The following PKD1L1 variants were observed in gnomAD, a reference collection of about 807,000 sequenced individuals.
The protein encoded by PKD1L1 is polycystin-1-like protein 1.
Under a neutral mutation model 323.4 loss-of-function variants are expected in PKD1L1, and 236 were observed. The observed-to-expected ratio is 0.73, with a 90% CI of 0.66 to 0.81. The LOEUF (loss-of-function observed/expected upper bound fraction) is 0.81, where lower values mean the gene tolerates loss of function less well. Ranked by LOEUF, PKD1L1 falls within the 40% of genes least tolerant of loss-of-function variation. PKD1L1 has a pLI of 0.00. For synonymous variants in PKD1L1, 1,344 were observed against 1,335.0 expected, an observed-to-expected ratio of 1.01 and a Z score of -0.15; for missense variants, 3,320 against 3,508.0, an observed-to-expected ratio of 0.95 and a Z score of 1.35.
intron 54 of PKD1L1, among the ~76,000 whole-genome samples, chr7:47,798,042 C>T (rs534721676): frequency 6.6e-6 from 1 of 152,206 alleles, no homozygotes; most frequent in African/African-American, 2.4e-5. Context: ...AATTCCACAG[C>T]AAGTTCAATC....
At chr7:47,874,048 A>C (rs1255473295) in intron 23 of PKD1L1, 38 bp from the exon 24 acceptor site, 4 of 1,332,912 alleles carry the variant, frequency 3.0e-6, no homozygotes, top group Non-Finnish European at 4.3e-6. Flanking sequence ...CATCTTGGAC[A>C]TGTGGGTTAC....
At chr7:47,854,814 G>T (rs2128741553) in intron 30 of PKD1L1, 68 bp downstream of exon 30, 1 of 1,521,152 alleles carries the variant, frequency 6.6e-7, no homozygotes, top group Admixed American at 2.1e-5. Flanking sequence ...CTGATTTTTT[G>T]TCACAAAACA....
chr7:47,931,371 A>C lies in PKD1L1; in HGVS notation c.520-50T>G, dbSNP rs150951256. On this transcript the variant is annotated intron_variant, in intron 5 of 56. Coordinates refer to ENST00000289672, the MANE Select transcript of PKD1L1 (RefSeq NM_138295.5). ...GGTTTATTGAATGGCCTCGTCTGGC[A>C]TCAGTAGCTGATGTCCGCCATGCTC... 529 of 1,588,918 alleles carry C rather than the reference A, an allele frequency of 3.3e-4. 1 individual carries two copies. The African/African-American group carries it at 6.2e-3, about 19-fold the overall frequency.
At chr7:47,948,518 G>C, upstream of PKD1L1, 3 of 1,413,324 alleles carry the variant, frequency 2.1e-6, no homozygotes, top group East Asian at 2.3e-5. Flanking sequence ...CAAAGAAATA[G>C]AGCTTAATGC....
chr7:47,785,422 GA>G (rs1786784423), intron 56 of PKD1L1, among the ~76,000 whole-genome samples: 1 of 152,160 alleles, frequency 6.6e-6, no homozygotes, highest in Non-Finnish European at 1.5e-5. Context: ...AGGAATGCAT[GA>G]AACGTGAAAG....
chr7:47,954,903 G>C, the PKD1L1 span, among the ~76,000 whole-genome samples: 3 of 152,306 alleles, frequency 2.0e-5, no homozygotes, highest in East Asian at 5.8e-4. Context: ...ACATATGCTG[G>C]TTATGGTTGT....
intron 25 of PKD1L1, among the ~76,000 whole-genome samples, chr7:47,866,057 G>C (rs2128743964): frequency 6.6e-6 from 1 of 152,330 alleles, no homozygotes; most frequent in South Asian, 2.1e-4. Context: ...AGCAAGTACA[G>C]TCACATTTGA....
In PKD1L1 at chr7:47,908,232, T is replaced by G; in HGVS notation, c.1247A>C (p.Lys416Thr). 2 of 1,613,944 alleles carry G rather than the reference T, an allele frequency of 1.2e-6. No homozygotes were observed. Among genetic ancestry groups the G allele is most frequent in the Non-Finnish European group, 1.7e-6 (2 of 1,179,936 alleles). Residue 416 changes from lysine to threonine, a missense_variant, in exon 9 of 57, where the codon AAG becomes ACG. Physicochemically the swap from Lys to Thr is moderately conservative, Grantham distance 78 (BLOSUM62 -1). Transcript: ENST00000289672. ...ATGAAACTCGTTATAAATAACAGCC[T>G]TGAGCATATAGACTCCTTCTGGAAA... is the stretch of plus-strand genomic sequence containing the variant. Reference protein sequence around the residue: ...AFVTKGVYMLKAVIYNEFHGT... With the variant: ...AFVTKGVYMLTAVIYNEFHGT...
intron 40 of PKD1L1, among the ~76,000 whole-genome samples, chr7:47,834,047 T>G (rs1448713223): frequency 6.6e-6 from 1 of 152,088 alleles, no homozygotes. Context: ...CTTTCTGAAT[T>G]CTTCTGGGCT....
intron 2 of PKD1L1, among the ~76,000 whole-genome samples, chr7:47,941,404 C>G (rs1229852109): frequency 6.6e-6 from 1 of 152,178 alleles, no homozygotes; most frequent in Non-Finnish European, 1.5e-5. Flanking sequence ...ATCCCTGCAC[C>G]CCAGCAGTGG....
At chr7:47,824,189 C>T (rs1055951940) in intron 45 of PKD1L1, among the ~76,000 whole-genome samples, 1 of 152,160 alleles carries the variant, frequency 6.6e-6, no homozygotes, top group East Asian at 1.9e-4. Context: ...GTGTGTGTTG[C>T]TTCTGGGCTG....
At chr7:47,801,103 G>T (rs1784652436) in intron 53 of PKD1L1, among the ~76,000 whole-genome samples, 1 of 151,722 alleles carries the variant, frequency 6.6e-6, no homozygotes, top group Admixed American at 6.6e-5. Context: ...CACTGTGGCT[G>T]GTCTCCCTCC....
intron 8 of PKD1L1, among the ~76,000 whole-genome samples, chr7:47,912,393 A>T (rs538971583): frequency 4.6e-5 from 7 of 152,338 alleles, no homozygotes; most frequent in African/African-American, 1.7e-4. Flanking sequence ...CAATGTAAAG[A>T]TCTAATTCAA....
intron 7 of PKD1L1, among the ~76,000 whole-genome samples, chr7:47,924,469 T>A (rs1290706622): frequency 2.6e-5 from 4 of 152,166 alleles, no homozygotes; most frequent in African/African-American, 9.7e-5. Context: ...CAGGAGTAGT[T>A]GGGAAAGTTA....
At chr7:47,815,169 G>T (rs997081620) in intron 47 of PKD1L1, among the ~76,000 whole-genome samples, 165 bp downstream of exon 47, 1 of 152,202 alleles carries the variant, frequency 6.6e-6, no homozygotes, top group Non-Finnish European at 1.5e-5. Context: ...GGCAGGAAAG[G>T]AACAGGATGC....
intron 46 of PKD1L1, among the ~76,000 whole-genome samples, chr7:47,817,139 G>A (rs183142664): frequency 2.2e-4 from 33 of 152,286 alleles, no homozygotes; most frequent in African/African-American, 7.9e-4. Flanking sequence ...CAGGAAGCAG[G>A]AGAATCGCTT....
At chr7:47,835,284 G>A (rs762455032) in intron 37 of PKD1L1, 41 bp from the exon 38 acceptor site, 10 of 1,313,366 alleles carry the variant, frequency 7.6e-6, no homozygotes, top group South Asian at 1.4e-5. Flanking sequence ...AACTCAATAT[G>A]AGTCCCGCTT....
At chr7:47,827,535 C>T in intron 44 of PKD1L1, 67 bp from the exon 45 acceptor site, 2 of 1,371,386 alleles carry the variant, frequency 1.5e-6, no homozygotes, top group Non-Finnish European at 2.0e-6. Flanking sequence ...CCTGGTGCTC[C>T]TGCCAAGCCA....
intron 46 of PKD1L1, chr7:47,818,283 G>A (rs563166798): frequency 9.4e-6 from 10 of 1,061,444 alleles, no homozygotes; most frequent in Middle Eastern, 2.7e-4. Context: ...AAGGGCGGGA[G>A]GGTAGGAAAG....
Sources: gnomAD v4.1 joint callset for allele counts (sites outside exome capture counted in the v4.1 genomes callset) on GRCh38, gnomAD v4.1.1 for gene constraint, MANE v1.5 for transcripts, NCBI Gene and HGNC (gene_info 2026-07-23, HGNC 2026-07-21) for gene names.